CERK: variants seen among roughly 807,000 people sequenced by gnomAD.
The protein encoded by CERK is acylsphingosine kinase.
Under a neutral mutation model 63.4 loss-of-function variants are expected in CERK, and 39 were observed. That is an observed-to-expected ratio of 0.61 (90% CI 0.48 to 0.80). The LOEUF (loss-of-function observed/expected upper bound fraction) is 0.80. Ranked by LOEUF, CERK falls within the 30% of genes least tolerant of loss-of-function variation. The pLI is 0.00. For synonymous variants in CERK, 302 were observed against 280.0 expected (o/e 1.08, Z -0.78); for missense variants, 670 against 714.1 (o/e 0.94, Z 0.70).
Position 46,695,242 on chromosome 22 carries a change from T to A in CERK, c.1017A>T (p.Gly339=), listed in dbSNP as rs1196234599. The A allele has an allele frequency of 6.2e-7, 1 of 1,608,830 alleles. No individual in the cohort carries two copies. Among genetic ancestry groups the A allele is most frequent in the Non-Finnish European group, 8.5e-7 (1 of 1,175,710 alleles). ...GGCAGGGCTTCCTATCCCTTGGAGA[T>A]CCCACCGTGTGTTGTGCAGGGAGGA... The part of the protein sequence containing the change: ...VSFLPAQHTV[G]SPRDRKPCRA... Residue 339 remains glycine (G), a synonymous_variant, in exon 9 of 13, where the codon GGA becomes GGT. Transcript: ENST00000216264.
In CERK at chr22:46,684,682, A is replaced by G. The variant is rs955574871; in HGVS notation, c.*2452T>C. On this transcript the variant is annotated 3_prime_UTR_variant, in exon 13 of 13. Transcript: ENST00000216264. Reference sequence around the variant, plus strand: ...AAAACTAGCCTTTCTAAGTTATCCTAAGTTTTTACTATCTAACCAGCACTT... The same window carrying G: ...AAAACTAGCCTTTCTAAGTTATCCTGAGTTTTTACTATCTAACCAGCACTT... The G allele has an allele frequency of 6.6e-6, 1 of 151,834 alleles. No individual in the cohort carries two copies. 9.4% of individuals were successfully genotyped at this position (151,834 alleles called of 1,614,324 possible).
In CERK at chr22:46,706,228, C is replaced by T. The variant is rs189179224; in HGVS notation, c.715+1615G>A. On this transcript the variant is annotated intron_variant, in intron 6 of 12. Coordinates refer to ENST00000216264, the MANE Select transcript of CERK (RefSeq NM_022766.6). ...CGAGGACACATGAGTGAAAGCCAAC[C>T]TCCCTGCCTGTGGGGAAGACAGACA... Among the ~76,000 whole-genome samples, 4 of 152,342 alleles carry T rather than the reference C, an allele frequency of 2.6e-5. No individual in the cohort carries two copies. In the South Asian group the frequency reaches 6.2e-4, roughly 24 times the overall value.
chr22:46,720,159 C>G lies in CERK; in HGVS notation c.306G>C (p.Val102=), dbSNP rs202104193. The G allele has an allele frequency of 1.2e-5, 20 of 1,614,122 alleles. No homozygotes were observed. In the South Asian group the frequency reaches 2.0e-4, roughly 16 times the overall value. Residue 102 remains valine, a synonymous_variant, in exon 3 of 13, where the codon GTG becomes GTC. Coordinates refer to ENST00000216264, the MANE Select transcript of CERK (RefSeq NM_022766.6). ...ARRHRWKWAQ[V]TFWCPEEQLC... ...GCTGCTCCTCTGGACACCAGAAAGT[C>G]ACCTGCGCCCACTTCCAGCGGTGCC...
intron 1 of CERK, among the ~76,000 whole-genome samples, chr22:46,728,061 G>A (rs1179811718): frequency 2.0e-5 from 3 of 152,164 alleles, no homozygotes; most frequent in African/African-American, 7.2e-5. Context: ...CACCTGCGCA[G>A]CCCCTGTGTG....
rs1185054309 is a variant in CERK at position 46,685,977 on chromosome 22, C to T, written c.*1157G>A. The T allele has an allele frequency of 2.6e-5, 4 of 152,308 alleles. No homozygotes were observed. The highest frequency in any genetic ancestry group is 2.9e-5 in the Non-Finnish European group (2 of 68,044). 9.4% of individuals were successfully genotyped at this position (152,308 alleles called of 1,614,324 possible). A position where few individuals can be genotyped will look rare whatever the true frequency, so the allele number is the denominator to read the frequency against. On this transcript the variant is annotated 3_prime_UTR_variant, in exon 13 of 13. Transcript: ENST00000216264. The stretch of plus-strand genomic sequence containing the variant: ...AAAACTACGTTACAGACATCATCTA[C>T]GTGGGCACGGATACACACTAAACAA...
At chr22:46,689,131 G>T (rs561609113) in intron 12 of CERK, among the ~76,000 whole-genome samples, 2 of 152,352 alleles carry the variant, frequency 1.3e-5, no homozygotes, top group South Asian at 4.1e-4. Flanking sequence ...CCGAACATCC[G>T]TGTGTGGCCA....
chr22:46,709,499 G>T (rs1468184906), intron 5 of CERK, among the ~76,000 whole-genome samples: 1 of 152,186 alleles, frequency 6.6e-6, no homozygotes, highest in Admixed American at 6.5e-5. Flanking sequence ...GCATTAGGAG[G>T]GGAGCAAAGG....
At chr22:46,713,172 A>G (rs986625131) in intron 3 of CERK, among the ~76,000 whole-genome samples, 2 of 152,124 alleles carry the variant, frequency 1.3e-5, no homozygotes, top group Non-Finnish European at 2.9e-5. Context: ...ACAAGACAGT[A>G]TCTACCCAAG....
chr22:46,729,929 C>T (rs573228279), intron 1 of CERK, among the ~76,000 whole-genome samples: 4 of 151,982 alleles, frequency 2.6e-5, no homozygotes, highest in Non-Finnish European at 5.9e-5. Flanking sequence ...GTCCCAGCTA[C>T]TCAGGAGGCT....
intron 6 of CERK, among the ~76,000 whole-genome samples, chr22:46,706,814 T>C (rs776045683): frequency 6.6e-6 from 1 of 152,298 alleles, no homozygotes; most frequent in East Asian, 1.9e-4. Flanking sequence ...ACACCCGCAA[T>C]GTCACCATCC....
At chr22:46,716,557 T>C (rs2082867522) in intron 3 of CERK, among the ~76,000 whole-genome samples, 1 of 152,148 alleles carries the variant, frequency 6.6e-6, no homozygotes, top group East Asian at 1.9e-4. Context: ...TGGTAATTCT[T>C]ATTAATTACA....
intron 8 of CERK, 124 bp from the exon 9 acceptor site, chr22:46,695,439 G>A (rs531814351): frequency 8.5e-6 from 6 of 705,338 alleles, no homozygotes; most frequent in South Asian, 1.5e-5. Flanking sequence ...GCAGGAGGGA[G>A]AGGCCGGGCC....
At chr22:46,724,837 G>C (rs893593814) in intron 1 of CERK, among the ~76,000 whole-genome samples, 1 of 152,106 alleles carries the variant, frequency 6.6e-6, no homozygotes. Context: ...GGCTAACATG[G>C]TGAAACCCCG....
chr22:46,693,033 A>G (rs1601709425), intron 10 of CERK, among the ~76,000 whole-genome samples: 1 of 152,172 alleles, frequency 6.6e-6, no homozygotes, highest in Non-Finnish European at 1.5e-5. Flanking sequence ...AGATGGCCAT[A>G]CCCACTCACT....
intron 10 of CERK, 120 bp downstream of exon 10, chr22:46,693,307 C>T: frequency 1.3e-6 from 1 of 792,632 alleles, no homozygotes; most frequent in Non-Finnish European, 2.2e-6. Flanking sequence ...TGCCTGGTGC[C>T]AGACAGGAAA....
rs1313817412 is a variant in CERK, at chr22:46,691,614, A to G, written c.1290T>C (p.Asn430=). Reference sequence around the variant, plus strand: ...TGTGCCTGATGAGAAATCTCAGAAAATTGAACCTGGAGCATTTCCGGATGA... The same window carrying G: ...TGTGCCTGATGAGAAATCTCAGAAAGTTGAACCTGGAGCATTTCCGGATGA... ...LILIRKCSRF[N]FLRFLIRHTN... Residue 430 remains asparagine, a synonymous_variant, in exon 11 of 13, where the codon AAT becomes AAC. Transcript: ENST00000216264. The G allele has an allele frequency of 1.9e-6, 3 of 1,613,866 alleles. No homozygotes were observed. In the South Asian group the frequency reaches 3.3e-5, roughly 18 times the overall value.
rs2082984807 is a variant in CERK at position 46,738,078 on chromosome 22, C to G, written c.71G>C (p.Ser24Thr). 3 of 1,280,306 alleles carry G rather than the reference C, an allele frequency of 2.3e-6. No individual in the cohort carries two copies. Among genetic ancestry groups the G allele is most frequent in the Non-Finnish European group, 2.0e-6 (2 of 1,006,978 alleles). The allele number at this position is 1,280,306 out of a possible 1,614,324, so 79.3% of individuals were successfully genotyped here. Reference protein sequence around the residue: ...LWVKQQRCAVSLEPARALLRW... With the variant: ...LWVKQQRCAVTLEPARALLRW... ...CAGCAGAGCCCGCGCGGGCTCCAGG[C>G]TCACGGCGCAGCGCTGCTGCTTCAC... Residue 24 changes from serine (S) to threonine (T), a missense_variant, in exon 1 of 13, where the codon AGC becomes ACC. Coordinates refer to ENST00000216264, the MANE Select transcript of CERK (RefSeq NM_022766.6).
intron 12 of CERK, among the ~76,000 whole-genome samples, chr22:46,688,921 G>A (rs2082716346): frequency 6.6e-6 from 1 of 152,208 alleles, no homozygotes; most frequent in Non-Finnish European, 1.5e-5. Flanking sequence ...CTAATTCAGT[G>A]GCCTTTTGAA....
chr22:46,707,223 G>A (rs1290842067), intron 6 of CERK, among the ~76,000 whole-genome samples: 6 of 151,902 alleles, frequency 3.9e-5, no homozygotes, highest in Non-Finnish European at 8.8e-5. Flanking sequence ...CAGACACCTC[G>A]TCCCCTGCCA....
Sources: gnomAD v4.1 joint callset for allele counts (sites outside exome capture counted in the v4.1 genomes callset) on GRCh38, gnomAD v4.1.1 for gene constraint, MANE v1.5 for transcripts, NCBI Gene and HGNC (gene_info 2026-07-23, HGNC 2026-07-21) for gene names.